NECAP2: variants seen among roughly 807,000 people sequenced by gnomAD.
NECAP2 encodes the protein adaptin ear-binding coat-associated protein 2.
A neutral mutation model predicts 37.8 loss-of-function variants in NECAP2; 38 were observed. The observed-to-expected ratio is 1.01, with a 90% CI of 0.78 to 1.32. The LOEUF is 1.32. Ranked by LOEUF, NECAP2 falls within the 40% of genes most tolerant of loss-of-function variation. The probability of loss-of-function intolerance (pLI) is 0.00; values close to 1 mark genes in which losing one functional copy is unlikely to be tolerated. For synonymous variants in NECAP2, 121 were observed against 127.7 expected (o/e 0.95, Z 0.35); for missense variants, 316 against 334.5 (o/e 0.94, Z 0.43).
Position 16,459,035 on chromosome 1 carries a change from C to T in NECAP2, c.*145C>T, listed in dbSNP as rs111328892. ...TCCTTGTCTGGCTCTGTTGACAAAC[C>T]GGGCATGTTTGGCAGTAAATTGGCA... On this transcript the variant is annotated 3_prime_UTR_variant, in exon 8 of 8. Transcript: ENST00000337132. 19 of 1,535,616 alleles carry T rather than the reference C, an allele frequency of 1.2e-5. No individual in the cohort carries two copies. Among genetic ancestry groups the T allele is most frequent in the African/African-American group, 8.3e-5 (6 of 71,918 alleles).
chr1:16,440,809 C>A lies in NECAP2; in HGVS notation c.48C>A (p.Val16=). 6.2e-7 allele frequency: 1 copy of A among 1,614,176 alleles called. No homozygotes were observed. Residue 16 remains valine, a synonymous_variant, in exon 1 of 8, where the codon GTC becomes GTA. Transcript: ENST00000337132. ...CGGTGCTCTGTGTCAAGCCTGACGT[C>A]CACGTCTACCGCATCCCTCCGCGGG... ...YESVLCVKPD[V]HVYRIPPRAT...
chr1:16,443,878 A>G (rs2086724452), intron 2 of NECAP2, 146 bp downstream of exon 2: 4 of 645,178 alleles, frequency 6.2e-6, no homozygotes, highest in Non-Finnish European at 1.1e-5. Context: ...AAGCTGTACC[A>G]TTCCCCCACC....
rs2086905997 is a variant in NECAP2, at chr1:16,455,660, G to A, written c.668-158G>A. The A allele has an allele frequency of 4.8e-6, 3 of 625,000 alleles. No homozygotes were observed. In the South Asian group the frequency reaches 5.5e-5, roughly 11 times the overall value. 38.7% of individuals were successfully genotyped at this position (625,000 alleles called of 1,614,324 possible). A position where few individuals can be genotyped will look rare whatever the true frequency, so the allele number is the denominator to read the frequency against. On this transcript the variant is annotated intron_variant, in intron 6 of 7. Transcript: ENST00000337132. ...GAAGTGTGGCAACTCAGGGTGTTTG[G>A]TTGCCCAAAAGCATGTCTGGTGTGG...
At chr1:16,452,399 C>A (rs1290893497) in intron 6 of NECAP2, among the ~76,000 whole-genome samples, 2 of 144,670 alleles carry the variant, frequency 1.4e-5, no homozygotes, top group Non-Finnish European at 3.1e-5. Context: ...AGGGCCTAGA[C>A]CCACCATCAG....
At chr1:16,456,689 T>C (rs1402675774) in intron 7 of NECAP2, among the ~76,000 whole-genome samples, 1 of 152,318 alleles carries the variant, frequency 6.6e-6, no homozygotes, top group East Asian at 1.9e-4. Flanking sequence ...ACTGCACTAT[T>C]ATTTACATGG....
At chr1:16,455,439 G>A (rs1042241189) in intron 6 of NECAP2, 6 of 204,336 alleles carry the variant, frequency 2.9e-5, no homozygotes, top group East Asian at 1.1e-4. Context: ...GACATTCTCC[G>A]TTCAAGAAGC....
In NECAP2 at chr1:16,443,638, G is replaced by C. The variant is rs776678108; in HGVS notation, c.99G>C (p.Ala33=). The change falls in exon 2 of 8, where the codon GCG becomes GCC. Residue 33 remains alanine, a synonymous_variant. Coordinates refer to ENST00000337132, the MANE Select transcript of NECAP2 (RefSeq NM_018090.5). ...GTGGTGTTTGTCCCCTTAGGGCTGC[G>C]GAGTGGCAGCTGGACCAGCCATCAT... ...PRATNRGYRA[A]EWQLDQPSWS... is the part of the protein sequence containing the mutation. 6.2e-7 allele frequency: 1 copy of C among 1,609,606 alleles called. No homozygotes were observed. Among genetic ancestry groups the C allele is most frequent in the Non-Finnish European group, 8.5e-7 (1 of 1,178,740 alleles).
rs755393819 is a variant in NECAP2 at position 16,443,673 on chromosome 1, G to A, written c.134G>A (p.Arg45Gln). Residue 45 changes from arginine to glutamine, a missense_variant, in exon 2 of 8, where the codon CGG becomes CAG. Around this residue, in one of 3 missense-constraint regions of NECAP2, gnomAD observed 81 missense variants for 124.2 expected, o/e 0.65. Coordinates refer to ENST00000337132, the MANE Select transcript of NECAP2 (RefSeq NM_018090.5). ...CTGGACCAGCCATCATGGAGTGGCC[G>A]GCTGAGGATCACTGCAAAGGGACAG... ...WQLDQPSWSG[R>Q]LRITAKGQMA... 57 of 1,612,738 alleles carry A rather than the reference G, an allele frequency of 3.5e-5. No individual in the cohort carries two copies. Among genetic ancestry groups the A allele is most frequent in the Admixed American group, 6.7e-5 (4 of 59,882 alleles).
chr1:16,455,967 G>GGTATTGTT, intron 7 of NECAP2, 74 bp downstream of exon 7: 3 of 1,060,950 alleles, frequency 2.8e-6, no homozygotes, highest in Non-Finnish European at 4.4e-6. Context: ...TGTTCCACAT[G>GGTATTGTT]CCTGCCTTCT....
Position 16,459,036 on chromosome 1 carries a change from G to A in NECAP2, c.*146G>A, listed in dbSNP as rs529840724. On this transcript the variant is annotated 3_prime_UTR_variant, in exon 8 of 8. Coordinates refer to ENST00000337132, the MANE Select transcript of NECAP2 (RefSeq NM_018090.5). ...CCTTGTCTGGCTCTGTTGACAAACC[G>A]GGCATGTTTGGCAGTAAATTGGCAC... 2.3e-4 allele frequency: 358 copies of A among 1,531,838 alleles called. No homozygotes were observed. The highest frequency in any genetic ancestry group is 2.9e-4 in the Non-Finnish European group (332 of 1,137,568). 94.9% of individuals were successfully genotyped at this position (1,531,838 alleles called of 1,614,324 possible). A position where few individuals can be genotyped will look rare whatever the true frequency, so the allele number is the denominator to read the frequency against.
At chr1:16,446,210 G>GA (rs1235493832) in intron 2 of NECAP2, among the ~76,000 whole-genome samples, 1 of 151,898 alleles carries the variant, frequency 6.6e-6, no homozygotes, top group Non-Finnish European at 1.5e-5. Flanking sequence ...CTCCGTCTTG[G>GA]AAAAAACAAA....
intron 6 of NECAP2, 132 bp downstream of exon 6, chr1:16,452,147 C>A: frequency 1.0e-6 from 1 of 958,524 alleles, no homozygotes; most frequent in Non-Finnish European, 1.5e-6. Context: ...TCAAAGAAGG[C>A]GGGCACCCAA....
chr1:16,450,253 T>TTTTTG (rs1553169496), intron 5 of NECAP2: 2 of 394,170 alleles, frequency 5.1e-6, no homozygotes, highest in Non-Finnish European at 9.8e-6. Flanking sequence ...TAGTGGTTTT[T>TTTTTG]TTTTGTTTTG....
At chr1:16,441,581 A>C (rs1355370526) in intron 1 of NECAP2, 1 of 152,082 alleles carries the variant, frequency 6.6e-6, no homozygotes, top group Non-Finnish European at 1.5e-5. Flanking sequence ...AAAACGACGA[A>C]AAATATTAAA....
chr1:16,449,904 T>G (rs890213444), intron 5 of NECAP2: 1 of 242,788 alleles, frequency 4.1e-6, no homozygotes, highest in African/African-American at 2.3e-5. Flanking sequence ...AAAGTTGGCC[T>G]TTACCTGGCT....
In NECAP2 at chr1:16,443,672, C is replaced by T. The variant is rs766915774; in HGVS notation, c.133C>T (p.Arg45Trp). 23 of 1,612,728 alleles carry T rather than the reference C, an allele frequency of 1.4e-5. No homozygotes were observed. Among genetic ancestry groups the T allele is most frequent in the East Asian group, 6.7e-5 (3 of 44,860 alleles). ...WQLDQPSWSG[R>W]LRITAKGQMA... ...GCTGGACCAGCCATCATGGAGTGGC[C>T]GGCTGAGGATCACTGCAAAGGGACA... Residue 45 changes from arginine to tryptophan, a missense_variant, in exon 2 of 8, where the codon CGG (arginine) becomes TGG (tryptophan). Coordinates refer to ENST00000337132, the MANE Select transcript of NECAP2 (RefSeq NM_018090.5).
intron 7 of NECAP2, 146 bp from the exon 8 acceptor site, chr1:16,458,696 T>C: frequency 1.4e-6 from 1 of 731,822 alleles, no homozygotes; most frequent in Non-Finnish European, 2.3e-6. Context: ...ATTTGGTCTC[T>C]GTGCCAGAGT....
rs185391040 is a variant in NECAP2 at position 16,451,600 on chromosome 1, G to C, written c.490-238G>C. Reference sequence around the variant, plus strand: ...TGGTATATCATTATAGCTTTGATCTGCATTTCCCTGATGAATGAAGTGGGG... The same window carrying C: ...TGGTATATCATTATAGCTTTGATCTCCATTTCCCTGATGAATGAAGTGGGG... On this transcript the variant is annotated intron_variant, in intron 5 of 7. Coordinates refer to ENST00000337132, the MANE Select transcript of NECAP2 (RefSeq NM_018090.5). 39 of 564,378 alleles carry C rather than the reference G, an allele frequency of 6.9e-5. 1 individual carries two copies. In the East Asian group the frequency reaches 1.2e-3, roughly 18 times the overall value. The allele number at this position is 564,378 out of a possible 1,614,324, so 35.0% of individuals were successfully genotyped here. A position where few individuals can be genotyped will look rare whatever the true frequency, so the allele number is the denominator to read the frequency against.
rs755891848 is a variant in NECAP2, at chr1:16,443,518, T to C, written c.93-114T>C. 1.5e-5 allele frequency: 12 copies of C among 775,530 alleles called. No individual in the cohort carries two copies. In the Admixed American group the frequency reaches 2.4e-4, roughly 15 times the overall value. 48.0% of individuals were successfully genotyped at this position (775,530 alleles called of 1,614,324 possible). A position where few individuals can be genotyped will look rare whatever the true frequency, so the allele number is the denominator to read the frequency against. On this transcript the variant is annotated intron_variant, in intron 1 of 7. Coordinates refer to ENST00000337132, the MANE Select transcript of NECAP2 (RefSeq NM_018090.5). ...CAAAGATATTTACTGTCTGACTCTT[T>C]ACAGAAAATGTTTGCCAACTCTTGG...
Sources: gnomAD v4.1 joint callset for allele counts (sites outside exome capture counted in the v4.1 genomes callset) on GRCh38, gnomAD v4.1.1 for gene constraint, gnomAD v4.1.1 regional missense constraint, MANE v1.5 for transcripts, NCBI Gene and HGNC (gene_info 2026-07-23, HGNC 2026-07-21) for gene names.